The following ANKRD44 variants were observed in gnomAD, a reference collection of about 807,000 sequenced individuals.
ANKRD44 encodes ankyrin repeat domain 44.
ANKRD44 carries 35 observed loss-of-function variants against 116.0 expected under a neutral mutation model. That is an observed-to-expected ratio of 0.30 (90% CI 0.23 to 0.40). The LOEUF is 0.40. Ranked by LOEUF, ANKRD44 falls within the 10% of genes least tolerant of loss-of-function variation. The pLI is 1.00. For missense variants in ANKRD44, 1,014 were observed against 1,242.6 expected (o/e 0.82, Z 2.77); for synonymous variants, 435 against 461.8 (o/e 0.94, Z 0.74).
chr2:197,207,272 A>G (rs1441956510), intron 1 of ANKRD44, among the ~76,000 whole-genome samples: 1 of 152,214 alleles, frequency 6.6e-6, no homozygotes, highest in Non-Finnish European at 1.5e-5. Context: ...TTCAGGTTGC[A>G]GTCCTAGTTC....
chr2:197,058,645 G>A (rs1009687950), intron 16 of ANKRD44, among the ~76,000 whole-genome samples: 12 of 152,210 alleles, frequency 7.9e-5, no homozygotes, highest in Non-Finnish European at 1.0e-4. Flanking sequence ...TAAGTCTGAG[G>A]CCTAATCACT....
intron 10 of ANKRD44, among the ~76,000 whole-genome samples, chr2:197,098,178 C>T (rs559608838): frequency 6.6e-6 from 1 of 152,286 alleles, no homozygotes; most frequent in Non-Finnish European, 1.5e-5. Context: ...AAACATCCAT[C>T]TTAACAAATT....
chr2:197,193,741 G>C (rs559948971), intron 1 of ANKRD44, among the ~76,000 whole-genome samples: 3 of 152,078 alleles, frequency 2.0e-5, no homozygotes, highest in African/African-American at 7.2e-5. Context: ...ACTTAGCCGG[G>C]CCTGGTGGCG....
chr2:197,276,924 G>A (rs2083104115), intron 1 of ANKRD44, among the ~76,000 whole-genome samples: 1 of 138,502 alleles, frequency 7.2e-6, no homozygotes, highest in African/African-American at 2.6e-5. Context: ...TAGAACCCAG[G>A]AATTTTTTTT....
chr2:196,977,925 T>G (rs1468566501), intron 21 of ANKRD44, among the ~76,000 whole-genome samples: 1 of 152,180 alleles, frequency 6.6e-6, no homozygotes, highest in African/African-American at 2.4e-5. Flanking sequence ...GAGTTATTCA[T>G]GATCGCTCAA....
intron 21 of ANKRD44, among the ~76,000 whole-genome samples, chr2:197,003,081 C>T (rs1470623722): frequency 2.0e-5 from 3 of 151,162 alleles, no homozygotes; most frequent in African/African-American, 4.9e-5. Flanking sequence ...TCGAGGCGGG[C>T]GAATTACTTG....
rs2076250018 is a variant in ANKRD44, at chr2:197,009,049, G to A, written c.1925-18C>T. On this transcript the variant is annotated intron_variant, in intron 18 of 27. Coordinates refer to ENST00000282272, the MANE Select transcript of ANKRD44 (RefSeq NM_001195144.2). ...ATTAATTACTGAAAAAGAAAACAGT[G>A]GACAGTCTTTTAACAGAACAACACT... The A allele has an allele frequency of 1.9e-6, 3 of 1,600,348 alleles. No individual in the cohort carries two copies. Among genetic ancestry groups the A allele is most frequent in the Middle Eastern group, 3.3e-4 (2 of 6,038 alleles).
intron 1 of ANKRD44, among the ~76,000 whole-genome samples, chr2:197,232,815 G>C (rs2081895649): frequency 6.6e-6 from 1 of 152,156 alleles, no homozygotes; most frequent in South Asian, 2.1e-4. Context: ...CCACATAAGA[G>C]AGCAGAACTC....
chr2:196,969,218 A>T (rs1257545395), intron 21 of ANKRD44, among the ~76,000 whole-genome samples: 1 of 152,224 alleles, frequency 6.6e-6, no homozygotes, highest in Non-Finnish European at 1.5e-5. Context: ...ATATTTATTT[A>T]GCTTCTCAAA....
intron 8 of ANKRD44, 113 bp downstream of exon 8, chr2:197,121,219 C>T (rs2078846060): frequency 1.9e-6 from 2 of 1,045,630 alleles, no homozygotes; most frequent in Admixed American, 4.0e-5. Context: ...AAATCCAGGA[C>T]AAGGCTGTGA....
rs779998258 is a variant in ANKRD44 at position 197,078,641 on chromosome 2, C to T, written c.1650+62G>A. 1.3e-5 allele frequency: 20 copies of T among 1,583,694 alleles called. No homozygotes were observed. The South Asian group carries it at 1.5e-4, about 12-fold the overall frequency. The stretch of plus-strand genomic sequence containing the variant: ...CAACTCTGGAAAAAAACAGTTAATG[C>T]CTCTGTGATTTGGGGTATGTGTGTG... On this transcript the variant is annotated intron_variant, in intron 16 of 27. Transcript: ENST00000282272.
intron 2 of ANKRD44, among the ~76,000 whole-genome samples, chr2:197,168,518 C>T (rs1391419224): frequency 6.6e-6 from 1 of 152,126 alleles, no homozygotes; most frequent in African/African-American, 2.4e-5. Context: ...AGCAAACAGC[C>T]AATTACTACA....
At chr2:197,257,437 T>C (rs16863690) in intron 1 of ANKRD44, among the ~76,000 whole-genome samples, 6,087 of 152,190 alleles carry the variant, frequency 0.04, 208 homozygotes, top group Admixed American at 0.11. Context: ...TTAGTGATTA[T>C]TATAAAACTT....
intron 12 of ANKRD44, among the ~76,000 whole-genome samples, chr2:197,088,240 T>C (rs2077969974): frequency 6.6e-6 from 1 of 152,240 alleles, no homozygotes; most frequent in Non-Finnish European, 1.5e-5. Flanking sequence ...TTTTGGGTTT[T>C]CTTGACCTAT....
At chr2:197,216,877 C>CACACACACACAA (rs2081457743) in intron 1 of ANKRD44, among the ~76,000 whole-genome samples, 1 of 150,668 alleles carries the variant, frequency 6.6e-6, no homozygotes, top group Non-Finnish European at 1.5e-5. Flanking sequence ...TAAACACACA[C>CACACACACACAA]ACACACACAC....
At chr2:197,140,010 G>A (rs1325517525) in intron 3 of ANKRD44, among the ~76,000 whole-genome samples, 2 of 151,838 alleles carry the variant, frequency 1.3e-5, no homozygotes, top group Admixed American at 1.3e-4. Context: ...CTCCCAAGTA[G>A]CTGGGATTAC....
chr2:197,309,402 T>G (rs1328958845), intron 1 of ANKRD44, among the ~76,000 whole-genome samples: 1 of 152,154 alleles, frequency 6.6e-6, no homozygotes, highest in African/African-American at 2.4e-5. Context: ...CACCTGTAAA[T>G]ATTTAGGAAA....
intron 16 of ANKRD44, among the ~76,000 whole-genome samples, chr2:197,030,880 T>C (rs968120145): frequency 2.0e-5 from 3 of 152,160 alleles, no homozygotes; most frequent in Non-Finnish European, 2.9e-5. Flanking sequence ...TCTCACTATG[T>C]TGCCCAGGCT....
intron 27 of ANKRD44, chr2:196,989,879 G>A: frequency 8.4e-7 from 1 of 1,192,912 alleles, no homozygotes; most frequent in Non-Finnish European, 1.0e-6. Flanking sequence ...TTAGTATTTT[G>A]ATTTAAGAAT....
Sources: allele counts gnomAD v4.1 joint callset (sites outside exome capture counted in the v4.1 genomes callset), GRCh38; gene constraint gnomAD v4.1.1; transcripts MANE v1.5; gene names NCBI Gene and HGNC (gene_info 2026-07-23, HGNC 2026-07-21).